Variants in ABI2 observed in about 807,000 individuals in gnomAD.
ABI2 encodes the protein abl interactor 2.
Under a neutral mutation model 59.2 loss-of-function variants are expected in ABI2, and 25 were observed. The observed-to-expected ratio is 0.42, with a 90% CI of 0.31 to 0.59. The LOEUF is 0.59. ABI2 is among the 20% of genes least tolerant of loss of function. ABI2 has a pLI of 0.14. For missense variants in ABI2, 545 were observed against 681.8 expected, an observed-to-expected ratio of 0.80 and a Z score of 2.23; for synonymous variants, 213 against 235.5, an observed-to-expected ratio of 0.90 and a Z score of 0.87.
At chr2:203,412,135 A>G (rs2097702876) in intron 10 of ABI2, among the ~76,000 whole-genome samples, 1 of 152,232 alleles carries the variant, frequency 6.6e-6, no homozygotes. Flanking sequence ...CAGTGTATAT[A>G]TCTCATAACA....
intron 9 of ABI2, among the ~76,000 whole-genome samples, chr2:203,405,305 T>G (rs1158432469): frequency 6.6e-6 from 1 of 152,250 alleles, no homozygotes; most frequent in East Asian, 1.9e-4. Flanking sequence ...ACCATTTTCT[T>G]GGAAAAGCTC....
intron 2 of ABI2, among the ~76,000 whole-genome samples, chr2:203,377,235 G>A (rs1577964045): frequency 6.6e-6 from 1 of 152,150 alleles, no homozygotes; most frequent in Non-Finnish European, 1.5e-5. Flanking sequence ...GGATGCTTGA[G>A]CCTAGGAGTT....
At chr2:203,342,835 T>A (rs1056308994) in intron 1 of ABI2, among the ~76,000 whole-genome samples, 3 of 151,262 alleles carry the variant, frequency 2.0e-5, no homozygotes, top group African/African-American at 7.4e-5. Flanking sequence ...TGATATAATG[T>A]CTATACACAC....
At chr2:203,377,153 A>T (rs2095759214) in intron 2 of ABI2, among the ~76,000 whole-genome samples, 1 of 152,128 alleles carries the variant, frequency 6.6e-6, no homozygotes, top group Non-Finnish European at 1.5e-5. Flanking sequence ...TCCCATCTCT[A>T]CAAAAAATAA....
At chr2:203,346,421 A>G (rs2083595194) in intron 1 of ABI2, among the ~76,000 whole-genome samples, 10 of 152,234 alleles carry the variant, frequency 6.6e-5, no homozygotes, top group Admixed American at 6.5e-4. Flanking sequence ...GTGTATCACC[A>G]GTGTGTATGA....
At chr2:203,383,914 T>A (rs1401479637) in intron 4 of ABI2, among the ~76,000 whole-genome samples, 1 of 149,266 alleles carries the variant, frequency 6.7e-6, no homozygotes, top group African/African-American at 2.4e-5. Context: ...GCTGCTCCCA[T>A]TGCTGTCATA....
intron 4 of ABI2, among the ~76,000 whole-genome samples, chr2:203,387,556 G>A (rs1334501857): frequency 6.6e-6 from 1 of 152,016 alleles, no homozygotes; most frequent in Non-Finnish European, 1.5e-5. Context: ...GTTTCTGTCT[G>A]GTAGGGAAAA....
intron 2 of ABI2, among the ~76,000 whole-genome samples, chr2:203,375,678 G>A (rs919065331): frequency 5.3e-5 from 8 of 152,192 alleles, no homozygotes; most frequent in African/African-American, 1.9e-4. Flanking sequence ...ACGAATTTAT[G>A]AATGTTAAAG....
chr2:203,373,289 C>T (rs1161071855), intron 2 of ABI2, among the ~76,000 whole-genome samples: 1 of 152,306 alleles, frequency 6.6e-6, no homozygotes, highest in South Asian at 2.1e-4. Flanking sequence ...AGCGAAACCC[C>T]GTCTCCACCA....
chr2:203,340,108 A>G (rs531630712), intron 1 of ABI2, among the ~76,000 whole-genome samples: 1 of 152,364 alleles, frequency 6.6e-6, no homozygotes, highest in Admixed American at 6.5e-5. Flanking sequence ...AGGTAAGTGA[A>G]ATAAGCCAGG....
intron 4 of ABI2, among the ~76,000 whole-genome samples, chr2:203,384,305 T>TG (rs1559289482): frequency 4.9e-5 from 7 of 144,298 alleles, no homozygotes; most frequent in African/African-American, 7.9e-5. Flanking sequence ...TTTTTTTTTT[T>TG]TTTTTTTTTT....
At chr2:203,352,423 A>G (rs911805400) in intron 1 of ABI2, among the ~76,000 whole-genome samples, 2 of 152,172 alleles carry the variant, frequency 1.3e-5, no homozygotes, top group African/African-American at 4.8e-5. Context: ...ATCAGAGGAG[A>G]TGACAGTTCC....
chr2:203,375,396 A>G (rs902901346), intron 2 of ABI2, among the ~76,000 whole-genome samples: 4 of 152,190 alleles, frequency 2.6e-5, no homozygotes, highest in African/African-American at 9.6e-5. Context: ...AAGTAGGTTT[A>G]TTGTCATATA....
At chr2:203,403,459 G>A (rs1311035583) in intron 9 of ABI2, 1 of 154,580 alleles carries the variant, frequency 6.5e-6, no homozygotes, top group Non-Finnish European at 1.5e-5. Flanking sequence ...TTCCATTTTT[G>A]ATAAGCCTTG....
intron 7 of ABI2, among the ~76,000 whole-genome samples, chr2:203,396,358 A>G (rs1019109557): frequency 6.6e-6 from 1 of 152,086 alleles, no homozygotes; most frequent in Non-Finnish European, 1.5e-5. Context: ...AATCATAAAG[A>G]TTTGTGTTTT....
chr2:203,350,539 T>C (rs2087236537), intron 1 of ABI2, among the ~76,000 whole-genome samples: 2 of 150,806 alleles, frequency 1.3e-5, no homozygotes, highest in South Asian at 4.2e-4. Flanking sequence ...TTCTTTCTTT[T>C]CTTTTTTTTT....
intron 9 of ABI2, among the ~76,000 whole-genome samples, chr2:203,405,706 CT>C (rs1294093718): frequency 6.6e-6 from 1 of 150,964 alleles, no homozygotes; most frequent in Non-Finnish European, 1.5e-5. Context: ...GTTTTATGAG[CT>C]TTTTTTTTGG....
In ABI2 at chr2:203,428,773, C is replaced by T. The variant is rs1559412464; in HGVS notation, c.*1421C>T. 6.6e-6 allele frequency: 1 copy of T among 152,298 alleles called. No homozygotes were observed. Among genetic ancestry groups the T allele is most frequent in the Non-Finnish European group, 1.5e-5 (1 of 68,118 alleles). The allele number at this position is 152,298 out of a possible 1,614,324, so 9.4% of individuals were successfully genotyped here. A position where few individuals can be genotyped will look rare whatever the true frequency, so the allele number is the denominator to read the frequency against. On this transcript the variant is annotated 3_prime_UTR_variant, in exon 12 of 12. Transcript: ENST00000261018. The stretch of plus-strand genomic sequence containing the variant: ...GGTGGTCACTGTGATGTTGGGCCAG[C>T]TCCTGTTCAGGTCCAGAGCTGCTAA...
At chr2:203,407,367 C>T (rs1376877) in intron 9 of ABI2, among the ~76,000 whole-genome samples, 67,394 of 152,020 alleles carry the variant, frequency 0.44, 16,801 homozygotes, top group Middle Eastern at 0.7. Flanking sequence ...TATATCTCCT[C>T]TAAATGTGAT....
Sources: allele counts gnomAD v4.1 joint callset (sites outside exome capture counted in the v4.1 genomes callset), GRCh38; gene constraint gnomAD v4.1.1; transcripts MANE v1.5; gene names NCBI Gene and HGNC (gene_info 2026-07-23, HGNC 2026-07-21).